The following NRXN1 variants were observed in gnomAD, a reference collection of about 807,000 sequenced individuals.
The protein encoded by NRXN1 is neurexin 1.
Under a neutral mutation model 150.9 loss-of-function variants are expected in NRXN1, and 39 were observed. That is an observed-to-expected ratio of 0.26 (90% CI 0.20 to 0.34). The LOEUF (loss-of-function observed/expected upper bound fraction) is 0.34. Among genes scored for constraint, NRXN1 ranks in the 10% least tolerant of loss-of-function variants. The pLI, the probability that NRXN1 is intolerant of heterozygous loss-of-function variation, is 1.00. For synonymous variants in NRXN1, 924 were observed against 757.0 expected, an observed-to-expected ratio of 1.22 and a Z score of -3.62; for missense variants, 1,815 against 1,949.9, an observed-to-expected ratio of 0.93 and a Z score of 1.30.
intron 21 of NRXN1, among the ~76,000 whole-genome samples, chr2:49,991,944 A>G (rs1006142218): frequency 2.6e-5 from 4 of 152,228 alleles, no homozygotes; most frequent in Admixed American, 6.5e-5. Flanking sequence ...GATAAATATA[A>G]TCAACTGATC....
At position 50,091,415 on chromosome 2, in the gene NRXN1, T is replaced by A. The variant is rs1186333857; in HGVS notation, c.3626A>T (p.Asp1209Val). ...GAAACGAACTACATGGTATTTCCCATCATTAATGATTGCATTGGATTCTTC... is the reference window on the plus strand; with the variant it reads ...GAAACGAACTACATGGTATTTCCCAACATTAATGATTGCATTGGATTCTTC... ...AIEESNAIINDGKYHVVRFTR... is the reference protein window; with the variant it reads ...AIEESNAIINVGKYHVVRFTR... Residue 1209 changes from aspartate to valine, a missense_variant, in exon 19 of 23, where the codon GAT becomes GTT. By Grantham distance (152) the Asp-to-Val change is radical. Coordinates refer to ENST00000401669, the MANE Select transcript of NRXN1 (RefSeq NM_001330078.2). 6.2e-7 allele frequency: 1 copy of A among 1,614,234 alleles called. No individual in the cohort carries two copies. Among genetic ancestry groups the A allele is most frequent in the Non-Finnish European group, 8.5e-7 (1 of 1,180,040 alleles).
At chr2:50,083,788 TC>T in intron 19 of NRXN1, among the ~76,000 whole-genome samples, 1 of 152,180 alleles carries the variant, frequency 6.6e-6, no homozygotes, top group South Asian at 2.1e-4. Context: ...GTTCTCCACC[TC>T]CCCACTAGAT....
At chr2:50,079,590 G>A (rs982446116) in intron 19 of NRXN1, among the ~76,000 whole-genome samples, 1 of 151,942 alleles carries the variant, frequency 6.6e-6, no homozygotes, top group Non-Finnish European at 1.5e-5. Flanking sequence ...TCAGACTCTT[G>A]AATGTATATT....
intron 5 of NRXN1, among the ~76,000 whole-genome samples, chr2:50,744,624 T>G (rs1302373576): frequency 6.6e-6 from 1 of 152,122 alleles, no homozygotes; most frequent in Non-Finnish European, 1.5e-5. Flanking sequence ...ATTTTATAGA[T>G]GATCAAATTG....
At chr2:51,015,057 A>C (rs1486241234) in intron 2 of NRXN1, among the ~76,000 whole-genome samples, 1 of 152,024 alleles carries the variant, frequency 6.6e-6, no homozygotes, top group Non-Finnish European at 1.5e-5. Flanking sequence ...GCCAGAAGTC[A>C]AGCAATGTAT....
intron 18 of NRXN1, among the ~76,000 whole-genome samples, chr2:50,108,918 G>A (rs932167532): frequency 6.6e-6 from 1 of 152,066 alleles, no homozygotes. Context: ...CACACTGTTG[G>A]ATGCAAATAT....
In NRXN1 at chr2:50,891,262, C is replaced by T. The variant is rs188978629; in HGVS notation, c.832+30607G>A. Among the ~76,000 whole-genome samples, 375 of 152,120 alleles carry T rather than the reference C, an allele frequency of 2.5e-3. 5 individuals are homozygous for T. Among genetic ancestry groups the T allele is most frequent in the Admixed American group, 0.023 (351 of 15,258 alleles). On this transcript the variant is annotated intron_variant, in intron 5 of 22. Coordinates refer to ENST00000401669, the MANE Select transcript of NRXN1 (RefSeq NM_001330078.2). Reference sequence around the variant, plus strand: ...GAAAAGAATATCTCCAAAATTGCTGCTGCAGATGCAGAAGAAATAGAAAAG... The same window carrying T: ...GAAAAGAATATCTCCAAAATTGCTGTTGCAGATGCAGAAGAAATAGAAAAG...
chr2:50,092,869 T>A (rs1699771268), intron 18 of NRXN1, among the ~76,000 whole-genome samples: 1 of 152,184 alleles, frequency 6.6e-6, no homozygotes, highest in African/African-American at 2.4e-5. Flanking sequence ...CAATTTTTTT[T>A]GGTTTGATTA....
chr2:50,337,246 C>G (rs2077252091), intron 17 of NRXN1, among the ~76,000 whole-genome samples: 1 of 151,890 alleles, frequency 6.6e-6, no homozygotes, highest in African/African-American at 2.4e-5. Flanking sequence ...CCACCATGCC[C>G]AGCTAATTTT....
At chr2:50,339,509 C>G (rs1432161144) in intron 17 of NRXN1, among the ~76,000 whole-genome samples, 1 of 152,086 alleles carries the variant, frequency 6.6e-6, no homozygotes, top group African/African-American at 2.4e-5. Flanking sequence ...GGAGAAACAC[C>G]TTTCTATACT....
At chr2:50,836,123 C>T (rs1240853859) in intron 5 of NRXN1, among the ~76,000 whole-genome samples, 7 of 152,150 alleles carry the variant, frequency 4.6e-5, no homozygotes, top group Admixed American at 1.3e-4. Flanking sequence ...AAAAGAGGCA[C>T]GTTTCTGTCT....
chr2:50,373,677 AGAAAAGAAAGAAG>A (rs1259873999), intron 17 of NRXN1, among the ~76,000 whole-genome samples: 27 of 106,880 alleles, frequency 2.5e-4, no homozygotes, highest in Admixed American at 6.2e-4. Context: ...AAAGAAAGAA[AGAAAAGAAAGAAG>A]GAAAGAAAGA....
chr2:50,401,416 T>C (rs1386858039), intron 17 of NRXN1, among the ~76,000 whole-genome samples: 1 of 152,102 alleles, frequency 6.6e-6, no homozygotes, highest in Non-Finnish European at 1.5e-5. Flanking sequence ...ATGTGTCCTT[T>C]GGCAAATGGT....
chr2:50,110,140 G>C (rs972854262), intron 18 of NRXN1, among the ~76,000 whole-genome samples: 6 of 152,084 alleles, frequency 3.9e-5, no homozygotes, highest in African/African-American at 1.4e-4. Flanking sequence ...AGGACACAGG[G>C]AAAAGCAATA....
chr2:50,198,776 A>G (rs1185993114), intron 18 of NRXN1, among the ~76,000 whole-genome samples: 2 of 152,132 alleles, frequency 1.3e-5, no homozygotes, highest in Non-Finnish European at 2.9e-5. Context: ...GTGAGGCCCT[A>G]GGTCTTGAAT....
At chr2:50,841,969 A>G (rs202138905) in intron 5 of NRXN1, among the ~76,000 whole-genome samples, 2 of 152,182 alleles carry the variant, frequency 1.3e-5, no homozygotes, top group East Asian at 3.9e-4. Flanking sequence ...TCATTAACCA[A>G]CAAACAAAAT....
At position 50,317,798 on chromosome 2, in the gene NRXN1, C is replaced by A. The variant is rs575853622; in HGVS notation, c.3365-80828G>T. 5.9e-5 allele frequency among the ~76,000 whole-genome samples: 9 copies of A among 152,084 alleles called. No homozygotes were observed. In the East Asian group the frequency reaches 1.7e-3, roughly 29 times the overall value. On this transcript the variant is annotated intron_variant, in intron 17 of 22. Coordinates refer to ENST00000401669, the MANE Select transcript of NRXN1 (RefSeq NM_001330078.2). ...AAAGTCAAAGCCACCAACAACATGTCATTCCAAAAAGATCATGAAAGGAAT... is the reference window on the plus strand; with the variant it reads ...AAAGTCAAAGCCACCAACAACATGTAATTCCAAAAAGATCATGAAAGGAAT...
At chr2:50,764,885 C>G (rs760488052) in intron 5 of NRXN1, among the ~76,000 whole-genome samples, 1 of 151,972 alleles carries the variant, frequency 6.6e-6, no homozygotes, top group African/African-American at 2.4e-5. Context: ...TCTCGGCTCC[C>G]AAGAGGAGCA....
intron 2 of NRXN1, among the ~76,000 whole-genome samples, chr2:50,989,459 T>TGCCCCTA (rs764847767): frequency 3.3e-5 from 5 of 151,988 alleles, no homozygotes; most frequent in African/African-American, 4.8e-5. Flanking sequence ...TGTTCACCCT[T>TGCCCCTA]GCCCCTACAA....
Sources: gnomAD v4.1 joint callset for allele counts (sites outside exome capture counted in the v4.1 genomes callset) on GRCh38, gnomAD v4.1.1 for gene constraint, MANE v1.5 for transcripts, NCBI Gene and HGNC (gene_info 2026-07-23, HGNC 2026-07-21) for gene names.